NRXN1: variants seen among roughly 807,000 people sequenced by gnomAD.
The protein encoded by NRXN1 is neurexin 1.
Under a neutral mutation model 150.9 loss-of-function variants are expected in NRXN1, and 39 were observed. That is an observed-to-expected ratio of 0.26 (90% CI 0.20 to 0.34). The LOEUF is 0.34. NRXN1 is among the 10% of genes least tolerant of loss of function. The pLI, the probability that NRXN1 is intolerant of heterozygous loss-of-function variation, is 1.00. For synonymous variants in NRXN1, 924 were observed against 757.0 expected (o/e 1.22, Z -3.62); for missense variants, 1,815 against 1,949.9 (o/e 0.93, Z 1.30).
intron 5 of NRXN1, among the ~76,000 whole-genome samples, chr2:50,734,794 AC>A (rs1330292696): frequency 6.6e-6 from 1 of 152,192 alleles, no homozygotes; most frequent in African/African-American, 2.4e-5. Context: ...AATGGCAGAC[AC>A]ATTTTAAAGT....
At chr2:50,117,341 A>C (rs1229548773) in intron 18 of NRXN1, among the ~76,000 whole-genome samples, 2 of 152,168 alleles carry the variant, frequency 1.3e-5, no homozygotes, top group African/African-American at 2.4e-5. Flanking sequence ...TGTTCCCATG[A>C]AGATTATTTA....
At chr2:50,002,585 C>A (rs1393303131) in intron 21 of NRXN1, among the ~76,000 whole-genome samples, 3 of 152,002 alleles carry the variant, frequency 2.0e-5, no homozygotes, top group Admixed American at 6.6e-5. Flanking sequence ...AATGAGAGAT[C>A]AAAATATTTG....
At chr2:50,520,743 T>C (rs2092764471) in intron 12 of NRXN1, among the ~76,000 whole-genome samples, 1 of 152,020 alleles carries the variant, frequency 6.6e-6, no homozygotes, top group Non-Finnish European at 1.5e-5. Flanking sequence ...GAATTTATTT[T>C]ATGGGGTTTC....
chr2:50,907,537 G>A (rs889246283), intron 5 of NRXN1, among the ~76,000 whole-genome samples: 3 of 152,062 alleles, frequency 2.0e-5, no homozygotes, highest in South Asian at 2.1e-4. Context: ...TGTTAATTAC[G>A]TTTGCTAATC....
chr2:50,392,581 G>C (rs556799652), intron 17 of NRXN1, among the ~76,000 whole-genome samples: 145 of 152,210 alleles, frequency 9.5e-4, no homozygotes, highest in Non-Finnish European at 9.3e-4. Context: ...TAAACTCTCA[G>C]ACCAGAATAA....
At chr2:50,308,296 C>T (rs1039038144) in intron 17 of NRXN1, among the ~76,000 whole-genome samples, 1 of 151,918 alleles carries the variant, frequency 6.6e-6, no homozygotes, top group Admixed American at 6.6e-5. Flanking sequence ...TACCTTTCTA[C>T]TGTTTCTATA....
chr2:50,999,886 C>A (rs1424638966), intron 2 of NRXN1, among the ~76,000 whole-genome samples: 1 of 152,082 alleles, frequency 6.6e-6, no homozygotes, highest in Non-Finnish European at 1.5e-5. Context: ...TCTACTGCCT[C>A]TCTTGTGCAT....
intron 5 of NRXN1, among the ~76,000 whole-genome samples, chr2:50,844,373 G>A (rs756240668): frequency 4.6e-5 from 7 of 152,172 alleles, no homozygotes; most frequent in African/African-American, 9.6e-5. Flanking sequence ...CTGACCCTTC[G>A]TCTACATTCT....
intron 21 of NRXN1, among the ~76,000 whole-genome samples, chr2:49,983,650 T>C (rs1440268604): frequency 1.3e-5 from 2 of 152,160 alleles, no homozygotes; most frequent in African/African-American, 2.4e-5. Context: ...TTCTAGTTCA[T>C]ACAGAAACAA....
chr2:50,076,155 G>GA (rs1697066817), intron 19 of NRXN1, among the ~76,000 whole-genome samples: 1 of 152,150 alleles, frequency 6.6e-6, no homozygotes, highest in Non-Finnish European at 1.5e-5. Context: ...GTTTTGCTTG[G>GA]AGTGGGTTTG....
chr2:50,054,837 G>T, intron 20 of NRXN1, 118 bp downstream of exon 20: 3 of 635,076 alleles, frequency 4.7e-6, no homozygotes, highest in Non-Finnish European at 7.9e-6. Flanking sequence ...TTTTAAAGTT[G>T]TTTTTAATTT....
chr2:50,964,122 G>A, intron 2 of NRXN1: 1 of 292,606 alleles, frequency 3.4e-6, no homozygotes, highest in Admixed American at 4.0e-5. Context: ...CAAAATCTTT[G>A]TCATCTCAAC....
chr2:50,941,243 T>C lies in NRXN1; in HGVS notation c.773-15288A>G, dbSNP rs558090099. On this transcript the variant is annotated intron_variant, in intron 2 of 22. Transcript: ENST00000401669. The stretch of plus-strand genomic sequence containing the variant: ...TTTAAACTCTTTATGAATTACCGAG[T>C]CTCGGGTAGTTCTTTATAGCAGTGT... Among the ~76,000 whole-genome samples, 6 of 152,252 alleles carry C rather than the reference T, an allele frequency of 3.9e-5. No homozygotes were observed. The East Asian group carries it at 9.7e-4, about 24-fold the overall frequency.
intron 21 of NRXN1, among the ~76,000 whole-genome samples, chr2:50,047,939 C>T (rs1039775085): frequency 2.0e-5 from 3 of 152,054 alleles, no homozygotes; most frequent in East Asian, 3.9e-4. Context: ...ATATTTATCT[C>T]GGACTAGCTT....
At chr2:50,951,957 A>AT in intron 2 of NRXN1, among the ~76,000 whole-genome samples, 6 of 100,320 alleles carry the variant, frequency 6.0e-5, no homozygotes, top group Admixed American at 9.6e-5. Flanking sequence ...ATATATATAT[A>AT]TATATATTTT....
At position 51,029,139 on chromosome 2, in the gene NRXN1, TTG is replaced by T. The variant is rs1671087004; in HGVS notation, c.-868_-867del. ...GCTAAGATGCCAGCACATCAATTGG[TTG>T]TGTGTTGGTGATGCATTTTGGTTTT... is the stretch of plus-strand genomic sequence containing the variant. On this transcript the variant is annotated 5_prime_UTR_variant, in exon 2 of 23. The change abolishes the stop of an existing upstream ORF in the 5' untranslated region. Transcript: ENST00000401669. The T allele has an allele frequency of 6.6e-6, 1 of 152,250 alleles. No individual in the cohort carries two copies. The highest frequency in any genetic ancestry group is 2.4e-5 in the African/African-American group (1 of 41,458). The allele number at this position is 152,250 out of a possible 1,614,324, so 9.4% of individuals were successfully genotyped here. A position where few individuals can be genotyped will look rare whatever the true frequency, so the allele number is the denominator to read the frequency against.
chr2:50,994,383 T>C (rs1428611870), intron 2 of NRXN1, among the ~76,000 whole-genome samples: 3 of 152,006 alleles, frequency 2.0e-5, no homozygotes, highest in Non-Finnish European at 4.4e-5. Flanking sequence ...GGGAGATAAC[T>C]TATCCTCAAG....
intron 8 of NRXN1, among the ~76,000 whole-genome samples, chr2:50,613,399 G>A (rs1329909575): frequency 6.6e-6 from 1 of 152,080 alleles, no homozygotes; most frequent in African/African-American, 2.4e-5. Context: ...TTAGAACATG[G>A]CTACTTTGTG....
At chr2:50,089,857 T>G (rs1699330243) in intron 19 of NRXN1, among the ~76,000 whole-genome samples, 1 of 152,166 alleles carries the variant, frequency 6.6e-6, no homozygotes, top group Non-Finnish European at 1.5e-5. Context: ...GGATTTCAGA[T>G]AATGCAATAA....
Sources: allele counts gnomAD v4.1 joint callset (sites outside exome capture counted in the v4.1 genomes callset), GRCh38; gene constraint gnomAD v4.1.1; transcripts MANE v1.5; gene names NCBI Gene and HGNC (gene_info 2026-07-23, HGNC 2026-07-21).